Variants in NXPE3 observed in about 807,000 individuals in gnomAD.
NXPE3 encodes the protein neurexophilin and PC-esterase domain family member 3.
NXPE3 carries 26 observed loss-of-function variants against 46.1 expected under a neutral mutation model. The observed-to-expected ratio is 0.56, with a 90% CI of 0.41 to 0.78. The LOEUF (loss-of-function observed/expected upper bound fraction) is 0.78, where lower values mean the gene tolerates loss of function less well. Among genes scored for constraint, NXPE3 ranks in the 30% least tolerant of loss-of-function variants. The pLI, the probability that NXPE3 is intolerant of heterozygous loss-of-function variation, is 0.00. For synonymous variants in NXPE3, 272 were observed against 257.9 expected, an observed-to-expected ratio of 1.05 and a Z score of -0.52; for missense variants, 620 against 686.0, an observed-to-expected ratio of 0.90 and a Z score of 1.07.
chr3:101,801,172 T>G, intron 4 of NXPE3, 63 bp from the exon 5 acceptor site: 3 of 1,507,848 alleles, frequency 2.0e-6, no homozygotes, highest in South Asian at 1.3e-5. Flanking sequence ...CCCTCTGAAT[T>G]TATGCCAAAA....
intron 4 of NXPE3, among the ~76,000 whole-genome samples, chr3:101,788,229 T>A (rs1940305634): frequency 6.6e-6 from 1 of 152,208 alleles, no homozygotes; most frequent in South Asian, 2.1e-4. Flanking sequence ...TGTTTGTTTG[T>A]TTTTTGTTGT....
At chr3:101,796,774 C>G (rs1390387998) in intron 4 of NXPE3, among the ~76,000 whole-genome samples, 17 of 152,138 alleles carry the variant, frequency 1.1e-4, no homozygotes. Context: ...AGTATAAAAT[C>G]AGAGGGGAAA....
chr3:101,791,943 C>A (rs895909046), intron 4 of NXPE3, among the ~76,000 whole-genome samples: 1 of 152,300 alleles, frequency 6.6e-6, no homozygotes, highest in African/African-American at 2.4e-5. Context: ...TTCAACATTG[C>A]CAGCATCTGT....
At chr3:101,818,725 A>ATGACAATT (rs1441033239) in intron 7 of NXPE3, among the ~76,000 whole-genome samples, 1 of 7,076 alleles carries the variant, frequency 1.4e-4, no homozygotes, top group Non-Finnish European at 3.3e-4. Flanking sequence ...TTATATATAT[A>ATGACAATT]TATATATATA....
At chr3:101,818,338 G>A (rs1942056241) in intron 7 of NXPE3, among the ~76,000 whole-genome samples, 1 of 152,080 alleles carries the variant, frequency 6.6e-6, no homozygotes, top group African/African-American at 2.4e-5. Flanking sequence ...ATTAGGAGAA[G>A]GGAAATACTT....
rs1433879327 is a variant in NXPE3, at chr3:101,822,036, G to A, written c.*82G>A. The A allele has an allele frequency of 7.3e-6, 9 of 1,225,796 alleles. No homozygotes were observed. Among genetic ancestry groups the A allele is most frequent in the Non-Finnish European group, 1.0e-5 (9 of 858,684 alleles). The allele number at this position is 1,225,796 out of a possible 1,614,324, so 75.9% of individuals were successfully genotyped here. On this transcript the variant is annotated 3_prime_UTR_variant, in exon 8 of 8. Coordinates refer to ENST00000273347, the MANE Select transcript of NXPE3 (RefSeq NM_145037.4). ...GTTACAGAAAGTGGCCCCAGTGAGA[G>A]ATGACTGCCCTTAATAAGTATAAAA...
chr3:101,806,234 C>G (rs1941412459), intron 5 of NXPE3, among the ~76,000 whole-genome samples: 1 of 152,092 alleles, frequency 6.6e-6, no homozygotes, highest in Non-Finnish European at 1.5e-5. Context: ...CTGCACATTC[C>G]CATATCAAGA....
chr3:101,825,660 C>T lies in NXPE3; in HGVS notation c.*3706C>T, dbSNP rs1327796914. On this transcript the variant is annotated 3_prime_UTR_variant, in exon 8 of 8. Coordinates refer to ENST00000273347, the MANE Select transcript of NXPE3 (RefSeq NM_145037.4). ...TAAATATTTTTCTATGTTAAATAGTCTTCATAAGTTAATTATAAAGATCTG... is the reference window on the plus strand; with the variant it reads ...TAAATATTTTTCTATGTTAAATAGTTTTCATAAGTTAATTATAAAGATCTG... 4 of 152,034 alleles carry T rather than the reference C, an allele frequency of 2.6e-5. No homozygotes were observed. Among genetic ancestry groups the T allele is most frequent in the Non-Finnish European group, 4.4e-5 (3 of 68,006 alleles). The allele number at this position is 152,034 out of a possible 1,614,324, so 9.4% of individuals were successfully genotyped here.
intron 3 of NXPE3, 98 bp downstream of exon 3, chr3:101,782,878 T>A (rs1464998984): frequency 1.3e-5 from 2 of 152,156 alleles, no homozygotes. Context: ...AAACTCCTGG[T>A]CTCAAGCAAA....
intron 4 of NXPE3, among the ~76,000 whole-genome samples, chr3:101,794,232 A>AG (rs1038169048): frequency 3.3e-5 from 5 of 151,952 alleles, no homozygotes; most frequent in Admixed American, 3.3e-4. Context: ...GAGAAGCTGA[A>AG]GGGGGGAGGA....
intron 4 of NXPE3, among the ~76,000 whole-genome samples, chr3:101,796,072 G>A (rs1940814898): frequency 1.3e-5 from 2 of 152,200 alleles, no homozygotes; most frequent in African/African-American, 4.8e-5. Context: ...GCAAGCATAA[G>A]CCTCCAGCAA....
intron 6 of NXPE3, among the ~76,000 whole-genome samples, chr3:101,815,309 G>A (rs927467935): frequency 3.9e-5 from 6 of 152,168 alleles, no homozygotes; most frequent in African/African-American, 1.4e-4. Flanking sequence ...CCATTAGTTT[G>A]TTCTCCATAT....
At chr3:101,799,656 C>A (rs1338670605) in intron 4 of NXPE3, among the ~76,000 whole-genome samples, 1 of 152,036 alleles carries the variant, frequency 6.6e-6, no homozygotes, top group Non-Finnish European at 1.5e-5. Context: ...GAACTCCTGA[C>A]CTTGTGATCC....
rs1243862217 is a variant in NXPE3, at chr3:101,822,892, T to G, written c.*938T>G. On this transcript the variant is annotated 3_prime_UTR_variant, in exon 8 of 8. Transcript: ENST00000273347. ...TGAACTACTTACCAAAATTAGAAGT[T>G]AAAATCTAATTAGAAATTAATAAGA... The G allele has an allele frequency of 1.3e-5, 2 of 152,134 alleles. No homozygotes were observed. Among genetic ancestry groups the G allele is most frequent in the East Asian group, 3.9e-4 (2 of 5,186 alleles). 9.4% of individuals were successfully genotyped at this position (152,134 alleles called of 1,614,324 possible).
chr3:101,790,745 A>G (rs977686592), intron 4 of NXPE3, among the ~76,000 whole-genome samples: 3 of 152,076 alleles, frequency 2.0e-5, no homozygotes, highest in Admixed American at 1.3e-4. Context: ...GGTGTGCGCC[A>G]CCACGTCTGG....
At chr3:101,780,676 C>T (rs1039556724) in intron 1 of NXPE3, among the ~76,000 whole-genome samples, 6 of 152,188 alleles carry the variant, frequency 3.9e-5, no homozygotes, top group Non-Finnish European at 8.8e-5. Flanking sequence ...TATTAATGTT[C>T]ATGCAGGGTT....
At chr3:101,814,499 G>T (rs1299783864) in intron 6 of NXPE3, among the ~76,000 whole-genome samples, 1 of 152,198 alleles carries the variant, frequency 6.6e-6, no homozygotes, top group Non-Finnish European at 1.5e-5. Flanking sequence ...GATTAGATAT[G>T]CACTCTGTGT....
rs749556053 is a variant in NXPE3, at chr3:101,816,830, A to G, written c.958A>G (p.Thr320Ala). 4 of 1,614,076 alleles carry G rather than the reference A, an allele frequency of 2.5e-6. No individual in the cohort carries two copies. In the East Asian group the frequency reaches 6.7e-5, roughly 27 times the overall value. ...TCTAGAACTATCTCAAGGCTCAGGA[A>G]CTTTTCCTTCTGGGTATTATTATAA... ...NSLELSQGSGTFPSGYYYKDQ... is the reference protein window; with the variant it reads ...NSLELSQGSGAFPSGYYYKDQ... The change falls in exon 7 of 8, where the codon ACT becomes GCT. Residue 320 changes from threonine (T) to alanine (A), a missense_variant. By Grantham distance (58) the Thr-to-Ala change is moderately conservative (BLOSUM62 0). Coordinates refer to ENST00000273347, the MANE Select transcript of NXPE3 (RefSeq NM_145037.4).
intron 4 of NXPE3, among the ~76,000 whole-genome samples, chr3:101,794,888 T>C (rs1432282432): frequency 2.0e-5 from 3 of 152,234 alleles, no homozygotes; most frequent in African/African-American, 4.8e-5. Flanking sequence ...CTAACTCTTC[T>C]CTACTGAATG....
Sources: allele counts gnomAD v4.1 joint callset (sites outside exome capture counted in the v4.1 genomes callset), GRCh38; gene constraint gnomAD v4.1.1; transcripts MANE v1.5; gene names NCBI Gene and HGNC (gene_info 2026-07-23, HGNC 2026-07-21).